Variants in ADCY2 observed in about 807,000 individuals in gnomAD.
ADCY2 encodes the protein adenylate cyclase type 2.
Under a neutral mutation model 125.2 loss-of-function variants are expected in ADCY2, and 31 were observed. The observed-to-expected ratio is 0.25, with a 90% CI of 0.19 to 0.33. ADCY2 has a LOEUF of 0.33. ADCY2 is among the 10% of genes least tolerant of loss of function. The probability of loss-of-function intolerance (pLI) is 1.00; values close to 1 mark genes in which losing one functional copy is unlikely to be tolerated. For missense variants in ADCY2, 904 were observed against 1,418.2 expected (o/e 0.64, Z 5.82); for synonymous variants, 512 against 548.4 (o/e 0.93, Z 0.93).
At position 7,557,851 on chromosome 5, in the gene ADCY2, A is replaced by G. The variant is rs1186475201; in HGVS notation, c.570+36952A>G. ...CATGTGCATCTGTCCTCATAGTAGAATGATTTCTATTCCTTTGAGTATATA... is the reference window on the plus strand; with the variant it reads ...CATGTGCATCTGTCCTCATAGTAGAGTGATTTCTATTCCTTTGAGTATATA... On this transcript the variant is annotated intron_variant, in intron 3 of 24. Coordinates refer to ENST00000338316, the MANE Select transcript of ADCY2 (RefSeq NM_020546.3). Among the ~76,000 whole-genome samples, 3 of 152,178 alleles carry G rather than the reference A, an allele frequency of 2.0e-5. No homozygotes were observed. In the East Asian group the frequency reaches 5.8e-4, roughly 29 times the overall value.
rs191459049 is a variant in ADCY2 at position 7,757,603 on chromosome 5, G to C, written c.2094+17G>C. 3 of 1,603,976 alleles carry C rather than the reference G, an allele frequency of 1.9e-6. No homozygotes were observed. Among genetic ancestry groups the C allele is most frequent in the South Asian group, 1.1e-5 (1 of 90,392 alleles). ...TTCAACATGGTAAGTCCCAGAGCAC[G>C]GCCGTGTTCAACATGGTAAGCCCCA... On this transcript the variant is annotated intron_variant, in intron 16 of 24. Coordinates refer to ENST00000338316, the MANE Select transcript of ADCY2 (RefSeq NM_020546.3).
chr5:7,822,319 C>G lies in ADCY2; in HGVS notation c.3123+1630C>G, dbSNP rs1271618975. Reference sequence around the variant, plus strand: ...TCTTTTTAATTTTCATCATTGAACCCACACCCAAATCCACTTAATATATTT... The same window carrying G: ...TCTTTTTAATTTTCATCATTGAACCGACACCCAAATCCACTTAATATATTT... On this transcript the variant is annotated intron_variant, in intron 24 of 24. Transcript: ENST00000338316. Among the ~76,000 whole-genome samples the G allele has an allele frequency of 2.0e-5, 3 of 152,160 alleles. No individual in the cohort carries two copies. The East Asian group carries it at 5.8e-4, about 29-fold the overall frequency.
intron 2 of ADCY2, among the ~76,000 whole-genome samples, chr5:7,506,944 T>C (rs1317911972): frequency 1.0e-4 from 15 of 150,632 alleles, no homozygotes; most frequent in South Asian, 2.1e-4. Context: ...CCCGCCACCA[T>C]GCCCGGCTAA....
intron 4 of ADCY2, among the ~76,000 whole-genome samples, chr5:7,679,809 T>A (rs1305969806): frequency 6.6e-6 from 1 of 152,222 alleles, no homozygotes; most frequent in Non-Finnish European, 1.5e-5. Flanking sequence ...CAGAGACCAA[T>A]GGATTGTCTC....
chr5:7,502,011 G>A (rs1421172256), intron 2 of ADCY2, among the ~76,000 whole-genome samples: 1 of 152,136 alleles, frequency 6.6e-6, no homozygotes, highest in East Asian at 1.9e-4. Context: ...TGATCTACCT[G>A]GGAAGGAAAC....
At chr5:7,766,852 C>T in intron 17 of ADCY2, 46 bp downstream of exon 17, 1 of 1,592,364 alleles carries the variant, frequency 6.3e-7, no homozygotes. Flanking sequence ...CTCCTGTATG[C>T]TCGTAGTCTG....
chr5:7,439,131 T>C (rs1282792866), intron 2 of ADCY2, among the ~76,000 whole-genome samples: 1 of 152,216 alleles, frequency 6.6e-6, no homozygotes, highest in Admixed American at 6.5e-5. Flanking sequence ...TTACGTATGA[T>C]CTTTTATTTT....
At chr5:7,539,247 T>C (rs1307679251) in intron 3 of ADCY2, among the ~76,000 whole-genome samples, 1 of 152,128 alleles carries the variant, frequency 6.6e-6, no homozygotes, top group East Asian at 1.9e-4. Flanking sequence ...ATTAAGATAA[T>C]TCATTACATT....
intron 7 of ADCY2, among the ~76,000 whole-genome samples, chr5:7,699,469 C>T (rs1741011046): frequency 6.6e-6 from 1 of 152,090 alleles, no homozygotes; most frequent in East Asian, 1.9e-4. Flanking sequence ...TATTGTTCTG[C>T]CTACTGGCAT....
intron 3 of ADCY2, among the ~76,000 whole-genome samples, chr5:7,530,974 T>C (rs1734620977): frequency 6.6e-6 from 1 of 152,110 alleles, no homozygotes; most frequent in Non-Finnish European, 1.5e-5. Context: ...CATGTACAAA[T>C]ATCCCTCAGT....
intron 2 of ADCY2, among the ~76,000 whole-genome samples, chr5:7,447,392 C>T (rs1286488679): frequency 1.3e-5 from 2 of 152,166 alleles, no homozygotes; most frequent in Non-Finnish European, 2.9e-5. Context: ...ATCATCCTGG[C>T]AGTGGGAAAG....
intron 3 of ADCY2, among the ~76,000 whole-genome samples, chr5:7,546,731 A>G (rs1735158945): frequency 6.6e-6 from 1 of 152,242 alleles, no homozygotes. Flanking sequence ...ATGCCTTTGC[A>G]AGGCCGTCCG....
At chr5:7,659,661 T>C (rs1259989743) in intron 4 of ADCY2, among the ~76,000 whole-genome samples, 1 of 152,232 alleles carries the variant, frequency 6.6e-6, no homozygotes, top group African/African-American at 2.4e-5. Context: ...ATACCTCTGC[T>C]GTGAGCCGAC....
At chr5:7,458,150 G>A (rs1327676719) in intron 2 of ADCY2, among the ~76,000 whole-genome samples, 2 of 152,142 alleles carry the variant, frequency 1.3e-5, no homozygotes, top group Non-Finnish European at 2.9e-5. Context: ...TACTCTGATA[G>A]GATTCTGCTG....
chr5:7,566,555 T>C (rs1032079028), intron 3 of ADCY2, among the ~76,000 whole-genome samples: 1 of 152,092 alleles, frequency 6.6e-6, no homozygotes, highest in Admixed American at 6.6e-5. Flanking sequence ...AACAGACTCA[T>C]AGGACACTCC....
intron 3 of ADCY2, among the ~76,000 whole-genome samples, chr5:7,581,223 G>A (rs1736414849): frequency 6.6e-6 from 1 of 152,088 alleles, no homozygotes; most frequent in South Asian, 2.1e-4. Context: ...AGATGGATAT[G>A]ATAACATCAT....
chr5:7,493,698 A>C (rs941590297), intron 2 of ADCY2, among the ~76,000 whole-genome samples: 6 of 152,128 alleles, frequency 3.9e-5, no homozygotes, highest in African/African-American at 1.2e-4. Flanking sequence ...AGATAGGACC[A>C]CACATAGAAA....
chr5:7,608,019 A>G (rs1436629904), intron 3 of ADCY2, among the ~76,000 whole-genome samples: 1 of 152,210 alleles, frequency 6.6e-6, no homozygotes, highest in Non-Finnish European at 1.5e-5. Context: ...GTATGATCCT[A>G]GGAGTAATCC....
intron 1 of ADCY2, among the ~76,000 whole-genome samples, chr5:7,397,445 GTTTTTTTT>G (rs767411861): frequency 2.3e-4 from 16 of 70,096 alleles, no homozygotes; most frequent in Non-Finnish European, 4.0e-4. Context: ...CCACCAGTGA[GTTTTTTTT>G]TTTTTTTTTT....
Sources: gnomAD v4.1 joint callset for allele counts (sites outside exome capture counted in the v4.1 genomes callset) on GRCh38, gnomAD v4.1.1 for gene constraint, MANE v1.5 for transcripts, NCBI Gene and HGNC (gene_info 2026-07-23, HGNC 2026-07-21) for gene names.